Variants in NALF1 observed in about 807,000 individuals in gnomAD.
NALF1 encodes NALCN channel auxiliary factor 1.
In NALF1, 3 loss-of-function variants were observed where a neutral mutation model predicts 48.4. The ratio of observed to expected loss-of-function variants is 0.06; its 90% CI spans 0.03 to 0.16. The LOEUF (loss-of-function observed/expected upper bound fraction) is 0.16. Ranked by LOEUF, NALF1 falls within the 10% of genes least tolerant of loss-of-function variation. The pLI is 1.00. For synonymous variants in NALF1, 262 were observed against 245.7 expected, an observed-to-expected ratio of 1.07 and a Z score of -0.62; for missense variants, 526 against 571.5, an observed-to-expected ratio of 0.92 and a Z score of 0.81.
At chr13:107,577,514 C>G (rs1398537472) in intron 1 of NALF1, among the ~76,000 whole-genome samples, 1 of 152,114 alleles carries the variant, frequency 6.6e-6, no homozygotes, top group Non-Finnish European at 1.5e-5. Context: ...AACCCCAAAA[C>G]TAGGTAATCT....
chr13:107,522,587 C>T (rs1400557349), intron 1 of NALF1, among the ~76,000 whole-genome samples: 1 of 150,592 alleles, frequency 6.6e-6, no homozygotes, highest in Admixed American at 6.7e-5. Flanking sequence ...TTTTCATTTC[C>T]CTAGGAGATT....
At chr13:107,692,782 T>C (rs1881596416) in intron 1 of NALF1, among the ~76,000 whole-genome samples, 1 of 152,194 alleles carries the variant, frequency 6.6e-6, no homozygotes, top group Non-Finnish European at 1.5e-5. Context: ...AAACCAACAA[T>C]ATCTACTCAC....
chr13:107,678,751 T>G (rs560788198), intron 1 of NALF1, among the ~76,000 whole-genome samples: 2 of 152,088 alleles, frequency 1.3e-5, no homozygotes, highest in Admixed American at 1.3e-4. Flanking sequence ...AAATGCTGAG[T>G]GAATAGGGAA....
chr13:107,184,639 C>T (rs1322596786), intron 2 of NALF1, among the ~76,000 whole-genome samples: 1 of 152,082 alleles, frequency 6.6e-6, no homozygotes, highest in East Asian at 1.9e-4. Flanking sequence ...TTCCTGCATC[C>T]TAGCTAAATT....
chr13:107,341,036 C>A (rs1459819714), intron 1 of NALF1, among the ~76,000 whole-genome samples: 3 of 151,988 alleles, frequency 2.0e-5, no homozygotes, highest in Non-Finnish European at 4.4e-5. Context: ...CTCCTAGTAT[C>A]ACCCCCCACC....
At chr13:107,319,349 G>C (rs1350243194) in intron 1 of NALF1, among the ~76,000 whole-genome samples, 1 of 152,040 alleles carries the variant, frequency 6.6e-6, no homozygotes, top group Admixed American at 6.6e-5. Context: ...GAGGTATTCA[G>C]GGAAAGACCA....
chr13:107,641,866 A>G (rs1338026773), intron 1 of NALF1, among the ~76,000 whole-genome samples: 1 of 152,136 alleles, frequency 6.6e-6, no homozygotes, highest in African/African-American at 2.4e-5. Context: ...GTTTCTGTAT[A>G]TTACAACCCC....
chr13:107,318,059 T>C (rs1191610342), intron 1 of NALF1, among the ~76,000 whole-genome samples: 1 of 152,190 alleles, frequency 6.6e-6, no homozygotes, highest in African/African-American at 2.4e-5. Flanking sequence ...ATAAAAGGCA[T>C]GCAAATACGG....
intron 1 of NALF1, among the ~76,000 whole-genome samples, chr13:107,735,626 C>T (rs1312815404): frequency 6.6e-6 from 1 of 152,178 alleles, no homozygotes; most frequent in Non-Finnish European, 1.5e-5. Context: ...AAACAGACCC[C>T]TTAAGGAGTC....
At chr13:107,721,416 G>C (rs1391771351) in intron 1 of NALF1, among the ~76,000 whole-genome samples, 1 of 152,152 alleles carries the variant, frequency 6.6e-6, no homozygotes, top group African/African-American at 2.4e-5. Context: ...GGGAGGCAGA[G>C]TCAATACCTA....
intron 1 of NALF1, among the ~76,000 whole-genome samples, chr13:107,673,037 A>G (rs935449356): frequency 3.3e-5 from 5 of 152,142 alleles, no homozygotes; most frequent in African/African-American, 1.2e-4. Context: ...GCAAATGCAC[A>G]CCCATATCGA....
chr13:107,782,189 G>C (rs543472880), intron 1 of NALF1, among the ~76,000 whole-genome samples: 1 of 152,194 alleles, frequency 6.6e-6, no homozygotes, highest in Non-Finnish European at 1.5e-5. Flanking sequence ...GAGTGCCTGC[G>C]ATTGCAGGCG....
intron 1 of NALF1, among the ~76,000 whole-genome samples, chr13:107,241,858 A>G (rs1432217674): frequency 6.6e-6 from 1 of 152,182 alleles, no homozygotes; most frequent in Non-Finnish European, 1.5e-5. Context: ...AGCAGTTAGC[A>G]GAGGGTTGGT....
intron 1 of NALF1, among the ~76,000 whole-genome samples, chr13:107,620,791 G>C (rs1594165586): frequency 6.6e-6 from 1 of 152,216 alleles, no homozygotes; most frequent in African/African-American, 2.4e-5. Context: ...CTATGTGACA[G>C]AGAAGTCTGG....
chr13:107,192,521 G>A (rs1361419153), intron 2 of NALF1, among the ~76,000 whole-genome samples: 1 of 152,154 alleles, frequency 6.6e-6, no homozygotes, highest in African/African-American at 2.4e-5. Flanking sequence ...TTAAGCACCC[G>A]TGGTACATCA....
At chr13:107,198,722 TG>T (rs1879445585) in intron 2 of NALF1, among the ~76,000 whole-genome samples, 1 of 152,226 alleles carries the variant, frequency 6.6e-6, no homozygotes, top group Admixed American at 6.5e-5. Flanking sequence ...CTCTCATTTC[TG>T]GGGCTAGATG....
At chr13:107,638,241 A>T (rs2138455700) in intron 1 of NALF1, among the ~76,000 whole-genome samples, 1 of 141,032 alleles carries the variant, frequency 7.1e-6, no homozygotes, top group East Asian at 2.4e-4. Context: ...ATTATTTAAG[A>T]TGAACATTGG....
intron 1 of NALF1, among the ~76,000 whole-genome samples, chr13:107,691,650 A>G (rs1196603303): frequency 2.0e-5 from 3 of 152,226 alleles, no homozygotes; most frequent in African/African-American, 7.2e-5. Context: ...TTATTCTCAT[A>G]TACTATATAT....
chr13:107,408,090 A>G (rs551039939), intron 1 of NALF1, among the ~76,000 whole-genome samples: 116 of 152,160 alleles, frequency 7.6e-4, no homozygotes, highest in African/African-American at 2.7e-3. Flanking sequence ...GACGGTAGAA[A>G]GATGGTTACC....
Sources: gnomAD v4.1 joint callset for allele counts (sites outside exome capture counted in the v4.1 genomes callset) on GRCh38, gnomAD v4.1.1 for gene constraint, MANE v1.5 for transcripts, NCBI Gene and HGNC (gene_info 2026-07-23, HGNC 2026-07-21) for gene names.